Variants in FBN2 observed in about 807,000 individuals in gnomAD.
The protein encoded by FBN2 is fibrillin-2.
In FBN2, 105 loss-of-function variants were observed where a neutral mutation model predicts 355.6. The observed-to-expected ratio is 0.30, with a 90% CI of 0.25 to 0.35. The LOEUF (loss-of-function observed/expected upper bound fraction) is 0.35, where lower values mean the gene tolerates loss of function less well. FBN2 is among the 10% of genes least tolerant of loss of function. The probability of loss-of-function intolerance (pLI) is 1.00; values close to 1 mark genes in which losing one functional copy is unlikely to be tolerated. For synonymous variants in FBN2, 1,350 were observed against 1,301.2 expected, an observed-to-expected ratio of 1.04 and a Z score of -0.81; for missense variants, 3,280 against 3,758.7, an observed-to-expected ratio of 0.87 and a Z score of 3.33.
intron 48 of FBN2, among the ~76,000 whole-genome samples, chr5:128,299,076 G>T (rs1749626866): frequency 6.6e-6 from 1 of 152,172 alleles, no homozygotes; most frequent in Admixed American, 6.5e-5. Flanking sequence ...CTGCAGGTCT[G>T]TTGGAGTACT....
At chr5:128,264,789 G>A (rs1487669369) in intron 62 of FBN2, among the ~76,000 whole-genome samples, 1 of 152,216 alleles carries the variant, frequency 6.6e-6, no homozygotes, top group Non-Finnish European at 1.5e-5. Flanking sequence ...GGTGTGCACA[G>A]AGGACATAGT....
chr5:128,332,791 AC>A, intron 32 of FBN2, 120 bp downstream of exon 32: 1 of 1,023,934 alleles, frequency 9.8e-7, no homozygotes. Flanking sequence ...TTATCTTGCA[AC>A]TAAGATAACC....
intron 16 of FBN2, among the ~76,000 whole-genome samples, chr5:128,368,465 TACATATATATACATATATATAC>T (rs1429920411): frequency 7.8e-6 from 1 of 128,212 alleles, no homozygotes. Context: ...CACATATATA[TACATATATATACATATATATAC>T]ACATATATAT....
chr5:128,354,929 C>T (rs1296128391), intron 20 of FBN2, among the ~76,000 whole-genome samples: 1 of 152,182 alleles, frequency 6.6e-6, no homozygotes, highest in African/African-American at 2.4e-5. Flanking sequence ...CCTAGAATTT[C>T]ATTATCAACT....
chr5:128,449,891 C>G (rs1236459864), intron 6 of FBN2, among the ~76,000 whole-genome samples: 3 of 151,916 alleles, frequency 2.0e-5, no homozygotes, highest in African/African-American at 7.2e-5. Context: ...TATGTTAATA[C>G]TATAAGTAGT....
chr5:128,344,467 C>A lies in FBN2; in HGVS notation c.3261G>T (p.Gly1087=). ...CKAFPGMCTY[G]KCRNTIGSFK... ...AGCTTCCGATTGTATTTCTGCACTT[C>A]CCATAAGTGCACATCCCAGGAAATG... The change falls in exon 25 of 65, where the codon GGG becomes GGT. Residue 1087 remains glycine (G), a synonymous_variant. Transcript: ENST00000262464. 3 of 1,610,898 alleles carry A rather than the reference C, an allele frequency of 1.9e-6. No individual in the cohort carries two copies. The African/African-American group carries it at 4.0e-5, about 21-fold the overall frequency.
In FBN2 at chr5:128,332,999, C is replaced by T. The variant is rs770322643; in HGVS notation, c.4135G>A (p.Asp1379Asn). 23 of 1,612,824 alleles carry T rather than the reference C, an allele frequency of 1.4e-5. No homozygotes were observed. The highest frequency in any genetic ancestry group is 5.3e-5 in the African/African-American group (4 of 74,852). The change falls in exon 32 of 65, where the codon GAC becomes AAC. Residue 1379 changes from aspartate to asparagine, a missense_variant. Physicochemically the swap from Asp to Asn is conservative, Grantham distance 23 (BLOSUM62 1). Coordinates refer to ENST00000262464, the MANE Select transcript of FBN2 (RefSeq NM_001999.4). ...ATATTCAGACATGAGGCATGCATGT[C>T]GCAGTTATGAGCACCAATTTCACAC... ...DECEIGAHNC[D>N]MHASCLNIPG...
At chr5:128,497,703 G>A (rs867242272) in intron 5 of FBN2, among the ~76,000 whole-genome samples, 1 of 152,078 alleles carries the variant, frequency 6.6e-6, no homozygotes, top group East Asian at 1.9e-4. Context: ...GGAAGAGGTG[G>A]AGCCATATTT....
intron 60 of FBN2, 35 bp downstream of exon 60, chr5:128,274,532 G>A (rs1282577024): frequency 9.5e-6 from 11 of 1,152,848 alleles, no homozygotes; most frequent in Non-Finnish European, 1.3e-5. Flanking sequence ...TCTACTAGAA[G>A]TTTGTAAAAT....
rs368234173 is a variant in FBN2, at chr5:128,286,737, G to A, written c.6993C>T (p.Pro2331=). Reference sequence around the variant, plus strand: ...GCTTACCTACACAGCCTTCTCCATCGGGCCTTCGGGCCATTCCAGGAGGGC... The same window carrying A: ...GCTTACCTACACAGCCTTCTCCATCAGGCCTTCGGGCCATTCCAGGAGGGC... ...CICPPGMARR[P]DGEGCVDENE... Residue 2331 remains proline, a synonymous_variant, in exon 55 of 65, where the codon CCC becomes CCT. Transcript: ENST00000262464. The A allele has an allele frequency of 1.5e-5, 25 of 1,614,084 alleles. No homozygotes were observed. Among genetic ancestry groups the A allele is most frequent in the Non-Finnish European group, 2.0e-5 (24 of 1,179,968 alleles).
At position 128,503,588 on chromosome 5, in the gene FBN2, C is replaced by T. The variant is rs556548852; in HGVS notation, c.628+15685G>A. Among the ~76,000 whole-genome samples, 4 of 152,328 alleles carry T rather than the reference C, an allele frequency of 2.6e-5. No individual in the cohort carries two copies. In the East Asian group the frequency reaches 7.7e-4, roughly 29 times the overall value. On this transcript the variant is annotated intron_variant, in intron 5 of 64. Coordinates refer to ENST00000262464, the MANE Select transcript of FBN2 (RefSeq NM_001999.4). ...ATGCCACTCTTGATATGCACAGATA[C>T]TGGCAGCATTTTGCCCCTGTCCTAG...
At chr5:128,344,265 T>A (rs1751106758) in intron 25 of FBN2, 120 bp downstream of exon 25, 1 of 1,053,670 alleles carries the variant, frequency 9.5e-7, no homozygotes, top group South Asian at 1.4e-5. Flanking sequence ...AAGAAATTAA[T>A]AAATAAATAA....
rs1313923629 is a variant in FBN2, at chr5:128,537,614, G to A, written c.-11C>T. On this transcript the variant is annotated 5_prime_UTR_variant, in exon 1 of 65. Coordinates refer to ENST00000262464, the MANE Select transcript of FBN2 (RefSeq NM_001999.4). ...CCGTCTTCTCCCCATCGCCGGCGCC[G>A]AAAGCGCGCGGCCGTAGACCCGCGG... is the stretch of plus-strand genomic sequence containing the variant. The A allele has an allele frequency of 1.9e-6, 3 of 1,605,550 alleles. No individual in the cohort carries two copies. The highest frequency in any genetic ancestry group is 1.1e-5 in the South Asian group (1 of 90,246).
At chr5:128,292,581 C>T (rs1749355188) in intron 48 of FBN2, among the ~76,000 whole-genome samples, 1 of 151,998 alleles carries the variant, frequency 6.6e-6, no homozygotes, top group South Asian at 2.1e-4. Flanking sequence ...CAACAAAAAA[C>T]TGCAGAAACC....
At chr5:128,440,875 C>G (rs952565916) in intron 7 of FBN2, among the ~76,000 whole-genome samples, 12 of 152,158 alleles carry the variant, frequency 7.9e-5, no homozygotes, top group African/African-American at 2.9e-4. Flanking sequence ...GAAACGTTTA[C>G]TTTTTCAGGA....
chr5:128,519,481 T>G, intron 4 of FBN2, 113 bp from the exon 5 acceptor site: 1 of 767,036 alleles, frequency 1.3e-6, no homozygotes. Context: ...TACATTATGT[T>G]AATTAAACTG....
intron 34 of FBN2, among the ~76,000 whole-genome samples, chr5:128,324,663 C>G (rs255727): frequency 0.79 from 119,042 of 150,070 alleles, 47,464 homozygotes; most frequent in East Asian, 0.93. Context: ...GTTGACCCAG[C>G]CTGGAGTGCA....
chr5:128,392,454 T>C (rs567285597), intron 10 of FBN2, among the ~76,000 whole-genome samples: 2 of 152,344 alleles, frequency 1.3e-5, no homozygotes, highest in South Asian at 4.1e-4. Context: ...GTAACTCTGC[T>C]GAATATTCAG....
chr5:128,467,389 T>G (rs1754740720), intron 5 of FBN2, among the ~76,000 whole-genome samples: 1 of 152,190 alleles, frequency 6.6e-6, no homozygotes, highest in Non-Finnish European at 1.5e-5. Flanking sequence ...GGTTGGTAAC[T>G]AAATACTTTA....
Sources: gnomAD v4.1 joint callset for allele counts (sites outside exome capture counted in the v4.1 genomes callset) on GRCh38, gnomAD v4.1.1 for gene constraint, MANE v1.5 for transcripts, NCBI Gene and HGNC (gene_info 2026-07-23, HGNC 2026-07-21) for gene names.